The following CTNNA2 variants were observed in gnomAD, a reference collection of about 807,000 sequenced individuals.
The protein encoded by CTNNA2 is catenin alpha-2.
A neutral mutation model predicts 101.0 loss-of-function variants in CTNNA2; 42 were observed. That is an observed-to-expected ratio of 0.42 (90% CI 0.32 to 0.54). The LOEUF (loss-of-function observed/expected upper bound fraction) is 0.54, where lower values mean the gene tolerates loss of function less well. Among genes scored for constraint, CTNNA2 ranks in the 20% least tolerant of loss-of-function variants. The pLI is 0.14. For synonymous variants in CTNNA2, 450 were observed against 456.4 expected (o/e 0.99, Z 0.18); for missense variants, 871 against 1,223.1 (o/e 0.71, Z 4.29).
chr2:80,381,511 A>G (rs1676514550), intron 7 of CTNNA2, among the ~76,000 whole-genome samples: 1 of 152,162 alleles, frequency 6.6e-6, no homozygotes, highest in Non-Finnish European at 1.5e-5. Flanking sequence ...ACAACGAGAT[A>G]GAGATTGAAA....
intron 4 of CTNNA2, among the ~76,000 whole-genome samples, chr2:79,399,682 A>G (rs1678269641): frequency 6.6e-6 from 1 of 152,074 alleles, no homozygotes; most frequent in East Asian, 1.9e-4. Flanking sequence ...TTAAATGTCC[A>G]GTTTTCAATA....
At chr2:79,566,782 C>T (rs1264592336) in intron 1 of CTNNA2, among the ~76,000 whole-genome samples, 2 of 151,960 alleles carry the variant, frequency 1.3e-5, no homozygotes, top group African/African-American at 2.4e-5. Context: ...TTTATATGTG[C>T]CCGGTGTGAT....
intron 4 of CTNNA2, among the ~76,000 whole-genome samples, chr2:79,453,554 A>G (rs1246670486): frequency 1.3e-5 from 2 of 152,168 alleles, no homozygotes; most frequent in Non-Finnish European, 2.9e-5. Context: ...CAAGTCACAC[A>G]TGATCATTTA....
chr2:79,467,474 C>T (rs9752711), intron 4 of CTNNA2, among the ~76,000 whole-genome samples: 10,460 of 152,190 alleles, frequency 0.069, 743 homozygotes, highest in African/African-American at 0.19. Context: ...TCCAGGAGAA[C>T]TTTCCCAACC....
At chr2:79,855,026 C>T (rs58509795) in intron 3 of CTNNA2, among the ~76,000 whole-genome samples, 3,728 of 152,248 alleles carry the variant, frequency 0.024, 96 homozygotes, top group East Asian at 0.13. Flanking sequence ...GTTGCCTTTC[C>T]TTTGGAATCC....
intron 7 of CTNNA2, among the ~76,000 whole-genome samples, chr2:80,134,958 T>C (rs943068966): frequency 9.2e-5 from 14 of 152,346 alleles, no homozygotes; most frequent in Admixed American, 7.8e-4. Flanking sequence ...ATTGCTGTTC[T>C]CTCAGTGCAG....
intron 8 of CTNNA2, among the ~76,000 whole-genome samples, chr2:80,399,593 T>C (rs1033246695): frequency 7.9e-5 from 12 of 152,186 alleles, no homozygotes; most frequent in Non-Finnish European, 1.8e-4. Flanking sequence ...CTTCAACTAC[T>C]GATTTATTCT....
chr2:79,401,696 T>TA (rs964549236), intron 4 of CTNNA2, among the ~76,000 whole-genome samples: 3 of 150,382 alleles, frequency 2.0e-5, no homozygotes, highest in Non-Finnish European at 3.0e-5. Context: ...ATCGAAAAAC[T>TA]AAAAAAAACC....
In CTNNA2 at chr2:79,201,224, GAAAC is replaced by G. The variant is rs1422794745; in HGVS notation, c.-406+3159_-406+3162del. Reference sequence around the variant, plus strand: ...GAAAAAGACTGAAACAATAAAAACAGAAACAAACAAACAACAACAAAAACAGTTA... The same window carrying G: ...GAAAAAGACTGAAACAATAAAAACAGAAACAAACAACAACAAAAACAGTTA... On this transcript the variant is annotated intron_variant, in intron 2 of 21. Coordinates refer to the CTNNA2 transcript ENST00000466387. Among the ~76,000 whole-genome samples the G allele has an allele frequency of 4.6e-5, 7 of 152,040 alleles. No individual in the cohort carries two copies. The East Asian group carries it at 7.7e-4, about 17-fold the overall frequency.
chr2:80,220,515 A>G (rs959921280), intron 7 of CTNNA2, among the ~76,000 whole-genome samples: 4 of 152,222 alleles, frequency 2.6e-5, no homozygotes, highest in African/African-American at 7.2e-5. Context: ...TGAGCTCAGG[A>G]GTTTGAGACC....
At chr2:80,387,709 G>A (rs1234812300) in intron 7 of CTNNA2, among the ~76,000 whole-genome samples, 5 of 152,172 alleles carry the variant, frequency 3.3e-5, no homozygotes, top group African/African-American at 1.2e-4. Context: ...TAAAGCCAGA[G>A]GATGGGAGAA....
intron 9 of CTNNA2, among the ~76,000 whole-genome samples, chr2:80,541,542 A>G (rs567990158): frequency 2.0e-5 from 3 of 152,272 alleles, no homozygotes; most frequent in Non-Finnish European, 4.4e-5. Context: ...ATACACAAAG[A>G]AAAGTTTATT....
At chr2:79,292,767 G>A (rs1432123423) in intron 2 of CTNNA2, among the ~76,000 whole-genome samples, 1 of 152,188 alleles carries the variant, frequency 6.6e-6, no homozygotes, top group Admixed American at 6.5e-5. Flanking sequence ...AGCAACTCTG[G>A]CTTCAGTGCA....
chr2:80,460,554 T>A (rs1281856434), intron 9 of CTNNA2, among the ~76,000 whole-genome samples: 1 of 152,096 alleles, frequency 6.6e-6, no homozygotes, highest in Non-Finnish European at 1.5e-5. Flanking sequence ...CTCCCGCTTC[T>A]TCTTTCCCTC....
In CTNNA2 at chr2:79,930,292, AAGAGAAAGAAAG is replaced by A. The variant is rs1687321791; in HGVS notation, c.1056+20497_1056+20508del. 7.3e-5 allele frequency among the ~76,000 whole-genome samples: 5 copies of A among 68,536 alleles called. No individual in the cohort carries two copies. In the Admixed American group the frequency reaches 8.0e-4, roughly 11 times the overall value. 45.0% of individuals were successfully genotyped at this position (68,536 alleles called of 152,430 possible). A position where few individuals can be genotyped will look rare whatever the true frequency, so the allele number is the denominator to read the frequency against. ...AAAGAAAGAAAGAGAGAGAGAGAGA[AAGAGAAAGAAAG>A]AAAGAAAGAAAGAAAGAAAGAAAGA... On this transcript the variant is annotated intron_variant, in intron 7 of 18. Transcript: ENST00000402739.
chr2:79,637,026 G>A (rs1680120257), intron 1 of CTNNA2: 1 of 152,102 alleles, frequency 6.6e-6, no homozygotes, highest in African/African-American at 2.4e-5. Context: ...TAATTTCAGT[G>A]GAATGGTGAG....
At chr2:80,632,564 A>G (rs1045279662) in intron 18 of CTNNA2, among the ~76,000 whole-genome samples, 1 of 152,178 alleles carries the variant, frequency 6.6e-6, no homozygotes, top group African/African-American at 2.4e-5. Flanking sequence ...CTGGAAAAAA[A>G]TAAGATCGTA....
intron 2 of CTNNA2, chr2:79,697,752 T>A (rs1429303456): frequency 2.0e-5 from 3 of 152,034 alleles, no homozygotes; most frequent in East Asian, 1.9e-4. Flanking sequence ...TTAAAAAAAA[T>A]TAGTATTTTG....
chr2:80,471,719 C>T (rs910356066), intron 9 of CTNNA2, among the ~76,000 whole-genome samples: 4 of 152,152 alleles, frequency 2.6e-5, no homozygotes, highest in African/African-American at 7.2e-5. Context: ...TTATTTACTT[C>T]GATATACCAT....
Sources: allele counts gnomAD v4.1 joint callset (sites outside exome capture counted in the v4.1 genomes callset), GRCh38; gene constraint gnomAD v4.1.1; transcripts MANE v1.5; gene names NCBI Gene and HGNC (gene_info 2026-07-23, HGNC 2026-07-21).